Variants in UBXN11 observed in about 807,000 individuals in gnomAD.
UBXN11 encodes the protein UBX domain protein 11, also known as UBX domain-containing protein 11.
Under a neutral mutation model 62.8 loss-of-function variants are expected in UBXN11, and 47 were observed. That is an observed-to-expected ratio of 0.75 (90% CI 0.59 to 0.95). The LOEUF (loss-of-function observed/expected upper bound fraction) is 0.95, where lower values mean the gene tolerates loss of function less well. Among genes scored for constraint, UBXN11 ranks in the 40% least tolerant of loss-of-function variants. The pLI, the probability that UBXN11 is intolerant of heterozygous loss-of-function variation, is 0.00. For synonymous variants in UBXN11, 294 were observed against 267.0 expected (o/e 1.10, Z -0.99); for missense variants, 638 against 661.7 (o/e 0.96, Z 0.39).
intron 8 of UBXN11, among the ~76,000 whole-genome samples, chr1:26,288,048 A>C (rs150318656): frequency 1.7e-4 from 26 of 151,834 alleles, no homozygotes; most frequent in African/African-American, 6.3e-4. Flanking sequence ...GACCACAGGC[A>C]GGCATCACCA....
At chr1:26,307,026 A>G (rs1316114571), upstream of UBXN11, 1 of 152,208 alleles carries the variant, frequency 6.6e-6, no homozygotes, top group African/African-American at 2.4e-5. Flanking sequence ...TGTAACACGA[A>G]GTACTGTAAT....
rs769992436 is a variant in UBXN11, at chr1:26,286,009, G to A, written c.588C>T (p.Asp196=). ...GCAGGCTGGCCAGCAGCCTGTCAAAGTCCACCTCAGGGGGCGCCAATGAGT... is the reference window on the plus strand; with the variant it reads ...GCAGGCTGGCCAGCAGCCTGTCAAAATCCACCTCAGGGGGCGCCAATGAGT... The part of the protein sequence containing the change: ...PGDSLAPPEV[D]FDRLLASLQD... The change falls in exon 9 of 15, where the codon GAC becomes GAT. Residue 196 remains aspartate, a synonymous_variant. Coordinates refer to ENST00000374222, the MANE Select transcript of UBXN11 (RefSeq NM_001389556.1). 2 of 1,610,614 alleles carry A rather than the reference G, an allele frequency of 1.2e-6. No homozygotes were observed. The highest frequency in any genetic ancestry group is 1.7e-6 in the Non-Finnish European group (2 of 1,177,628).
chr1:26,296,745 G>C (rs2073403358), intron 7 of UBXN11, among the ~76,000 whole-genome samples, 174 bp downstream of exon 7: 1 of 152,182 alleles, frequency 6.6e-6, no homozygotes, highest in Non-Finnish European at 1.5e-5. Flanking sequence ...ACACCTCCCT[G>C]GCTCTTTAAA....
intron 3 of UBXN11, among the ~76,000 whole-genome samples, chr1:26,301,440 T>A (rs2073531603): frequency 6.6e-6 from 1 of 152,076 alleles, no homozygotes; most frequent in South Asian, 2.1e-4. Flanking sequence ...CACTGGCCAG[T>A]CCCACAGTGG....
At chr1:26,299,486 C>G (rs1294781189) in intron 4 of UBXN11, among the ~76,000 whole-genome samples, 11 of 138,784 alleles carry the variant, frequency 7.9e-5, no homozygotes, top group African/African-American at 3.0e-4. Context: ...GCACTCCAGG[C>G]TGGGCAACAG....
chr1:26,301,638 G>A, intron 3 of UBXN11, 56 bp downstream of exon 3: 1 of 1,606,808 alleles, frequency 6.2e-7, no homozygotes, highest in Admixed American at 1.7e-5. Flanking sequence ...CGGTCCAACT[G>A]TAGGAGGTGC....
chr1:26,314,021 C>T (rs1178718759), intron 1 of UBXN11, among the ~76,000 whole-genome samples: 1 of 152,022 alleles, frequency 6.6e-6, no homozygotes, highest in Non-Finnish European at 1.5e-5. Context: ...ACCTTGTGAT[C>T]GACTCGCCTC....
chr1:26,284,859 C>G (rs2073090634), intron 10 of UBXN11: 1 of 1,022,514 alleles, frequency 9.8e-7, no homozygotes, highest in African/African-American at 1.7e-5. Context: ...CTTATCAAGG[C>G]ATAGCTCCGA....
chr1:26,317,170 G>C (rs985275342), intron 1 of UBXN11, among the ~76,000 whole-genome samples: 1 of 151,746 alleles, frequency 6.6e-6, no homozygotes, highest in Non-Finnish European at 1.5e-5. Flanking sequence ...GAACCCAGGA[G>C]GTGGAGGTTG....
intron 7 of UBXN11, among the ~76,000 whole-genome samples, chr1:26,296,307 G>A (rs1024909714): frequency 3.3e-5 from 5 of 152,244 alleles, no homozygotes; most frequent in Admixed American, 2.0e-4. Flanking sequence ...CTAGGTCCTG[G>A]GTGCACAGTG....
rs367932248 is a variant in UBXN11 at position 26,282,401 on chromosome 1, GGGAC to G, written c.1457_1460del (p.Cys486SerfsTer?). ...CGGGACTGGGGCCGGGACCGGGACCGGGACAGGGACCAGGACTGAATTTCAGGCT... is the reference window on the plus strand; with the variant it reads ...CGGGACTGGGGCCGGGACCGGGACCGAGGGACCAGGACTGAATTTCAGGCT... On this transcript the variant is annotated frameshift_variant, in exon 15 of 15. Coordinates refer to ENST00000374222, the MANE Select transcript of UBXN11 (RefSeq NM_001389556.1). LOFTEE classifies it low-confidence loss of function (END_TRUNC). The G allele has an allele frequency of 4.4e-4, 559 of 1,269,168 alleles. 6 individuals carry two copies. In the African/African-American group the frequency reaches 8.0e-3, roughly 18 times the overall value. The allele number at this position is 1,269,168 out of a possible 1,614,324, so 78.6% of individuals were successfully genotyped here.
upstream of UBXN11, among the ~76,000 whole-genome samples, chr1:26,308,935 A>AT (rs57323315): frequency 0.68 from 73,457 of 108,400 alleles, 25,707 homozygotes; most frequent in East Asian, 0.91. Context: ...CAGTCGTTTG[A>AT]TTTTTTTTTT....
At chr1:26,306,340 C>A (rs3795683) in intron 1 of UBXN11, 104,489 of 152,258 alleles carry the variant, frequency 0.69, 36,404 homozygotes, top group Non-Finnish European at 0.75. Context: ...GAGCCCAGAG[C>A]TCTGGCGGGG....
chr1:26,299,444 C>T (rs1390272076), intron 4 of UBXN11, among the ~76,000 whole-genome samples: 1 of 146,364 alleles, frequency 6.8e-6, no homozygotes, highest in Non-Finnish European at 1.5e-5. Flanking sequence ...CCTGACAGGT[C>T]GAGGCTGCAG....
rs555308928 is a variant in UBXN11 at position 26,284,607 on chromosome 1, G to A, written c.853-125C>T. ...CTAATGCAACCCCCATTTTACATATGAGGAAACCCAGGCCTCAGGAGAGCC... is the reference window on the plus strand; with the variant it reads ...CTAATGCAACCCCCATTTTACATATAAGGAAACCCAGGCCTCAGGAGAGCC... On this transcript the variant is annotated intron_variant, in intron 10 of 14. Transcript: ENST00000374222. 4 of 1,409,114 alleles carry A rather than the reference G, an allele frequency of 2.8e-6. No individual in the cohort carries two copies. The South Asian group carries it at 4.8e-5, about 17-fold the overall frequency. The allele number at this position is 1,409,114 out of a possible 1,614,324, so 87.3% of individuals were successfully genotyped here. A position where few individuals can be genotyped will look rare whatever the true frequency, so the allele number is the denominator to read the frequency against.
intron 8 of UBXN11, among the ~76,000 whole-genome samples, chr1:26,291,594 G>C (rs1008318006): frequency 1.3e-5 from 2 of 152,200 alleles, no homozygotes; most frequent in African/African-American, 4.8e-5. Context: ...CCCCTGGCCA[G>C]GAGGAAGGCT....
At chr1:26,286,801 C>T (rs2073143555) in intron 8 of UBXN11, among the ~76,000 whole-genome samples, 2 of 152,028 alleles carry the variant, frequency 1.3e-5, no homozygotes, top group South Asian at 4.1e-4. Context: ...TGGGTTCAAG[C>T]GATTCTCCTA....
chr1:26,289,772 C>T (rs2073215150), intron 8 of UBXN11, among the ~76,000 whole-genome samples: 1 of 152,198 alleles, frequency 6.6e-6, no homozygotes, highest in African/African-American at 2.4e-5. Flanking sequence ...GAGGTGGCAG[C>T]CCCTCACTGC....
chr1:26,289,503 G>C (rs552219091), intron 8 of UBXN11, among the ~76,000 whole-genome samples: 5 of 152,044 alleles, frequency 3.3e-5, no homozygotes, highest in Non-Finnish European at 7.4e-5. Context: ...GAGCTCAGGA[G>C]CATTGAGCCC....
Sources: allele counts gnomAD v4.1 joint callset (sites outside exome capture counted in the v4.1 genomes callset), GRCh38; gene constraint gnomAD v4.1.1; transcripts MANE v1.5; gene names NCBI Gene and HGNC (gene_info 2026-07-23, HGNC 2026-07-21).